The following BDKRB2 variants were observed in gnomAD, a reference collection of about 807,000 sequenced individuals.
BDKRB2 encodes the protein bradykinin receptor B2, also known as B2 bradykinin receptor.
BDKRB2 carries 6 observed loss-of-function variants against 4.0 expected under a neutral mutation model. That is an observed-to-expected ratio of 1.49 (90% CI 0.81 to 2.93). BDKRB2 has a LOEUF of 2.93. BDKRB2 is among the 30% of genes most tolerant of loss of function. BDKRB2 has a pLI of 0.00. For synonymous variants in BDKRB2, 225 were observed against 215.3 expected, an observed-to-expected ratio of 1.05 and a Z score of -0.40; for missense variants, 478 against 520.1, an observed-to-expected ratio of 0.92 and a Z score of 0.79.
rs1202610941 is a variant in BDKRB2 at position 96,243,810 on chromosome 14, G to A, written c.*2306G>A. ...TAAAAACCATTTAGTATTAGTATTA[G>A]AATGAAGTCAAACTGTGCCACACAT... is the stretch of plus-strand genomic sequence containing the variant. On this transcript the variant is annotated 3_prime_UTR_variant, in exon 3 of 3. Transcript: ENST00000554311. The A allele has an allele frequency of 5.2e-6, 1 of 190,752 alleles. No homozygotes were observed. The highest frequency in any genetic ancestry group is 1.1e-5 in the Non-Finnish European group (1 of 94,918). The allele number at this position is 190,752 out of a possible 1,614,324, so 11.8% of individuals were successfully genotyped here.
chr14:96,219,594 G>A (rs1238378925), intron 1 of BDKRB2, among the ~76,000 whole-genome samples: 1 of 150,670 alleles, frequency 6.6e-6, no homozygotes, highest in African/African-American at 2.4e-5. Flanking sequence ...AAAAAAAAAA[G>A]AGACTAGAAC....
chr14:96,238,089 C>A (rs1890979789), intron 2 of BDKRB2: 2 of 1,059,700 alleles, frequency 1.9e-6, no homozygotes, highest in African/African-American at 1.7e-5. Flanking sequence ...TTTCATGGGT[C>A]AAGAATTCAG....
chr14:96,237,768 G>T (rs965135021), intron 2 of BDKRB2: 19 of 1,289,794 alleles, frequency 1.5e-5, no homozygotes, highest in Middle Eastern at 4.3e-4. Context: ...GGGCCACAGT[G>T]CACTGGACCT....
chr14:96,237,007 A>C, intron 1 of BDKRB2, 62 bp from the exon 2 acceptor site: 1 of 950,564 alleles, frequency 1.1e-6, no homozygotes, highest in Non-Finnish European at 1.7e-6. Flanking sequence ...CTGCTGGAGA[A>C]TGCGTGTATT....
intron 1 of BDKRB2, among the ~76,000 whole-genome samples, chr14:96,208,259 G>C (rs1890234051): frequency 1.3e-5 from 2 of 152,180 alleles, no homozygotes; most frequent in Admixed American, 1.3e-4. Context: ...CTCCAGGGTT[G>C]TTTTCTAGAA....
chr14:96,230,163 A>T (rs1042231603), intron 1 of BDKRB2, among the ~76,000 whole-genome samples: 1 of 152,108 alleles, frequency 6.6e-6, no homozygotes, highest in African/African-American at 2.4e-5. Flanking sequence ...AAAGGATTGG[A>T]ATAAAGGAAT....
At chr14:96,237,743 T>G (rs1167794275) in intron 2 of BDKRB2, 1 of 1,289,632 alleles carries the variant, frequency 7.8e-7, no homozygotes, top group African/African-American at 1.5e-5. Flanking sequence ...GATGAGCAGA[T>G]GGCCATCTCA....
intron 1 of BDKRB2, among the ~76,000 whole-genome samples, chr14:96,214,472 G>T (rs887031263): frequency 6.6e-6 from 1 of 152,176 alleles, no homozygotes; most frequent in Non-Finnish European, 1.5e-5. Context: ...TCCCACAAGC[G>T]GGGACCTGGG....
At chr14:96,213,209 G>A (rs1333279282) in intron 1 of BDKRB2, among the ~76,000 whole-genome samples, 2 of 152,204 alleles carry the variant, frequency 1.3e-5, no homozygotes, top group Admixed American at 1.3e-4. Flanking sequence ...CCTAGACTCA[G>A]GAAGCTGGTT....
In BDKRB2 at chr14:96,230,058, C is replaced by T. The variant is rs189165463; in HGVS notation, c.-39-7011C>T. Among the ~76,000 whole-genome samples, 459 of 151,638 alleles carry T rather than the reference C, an allele frequency of 3.0e-3. 17 individuals are homozygous for T. In the South Asian group the frequency reaches 0.044, roughly 15 times the overall value. On this transcript the variant is annotated intron_variant, in intron 1 of 2. Coordinates refer to ENST00000554311, the MANE Select transcript of BDKRB2 (RefSeq NM_001379692.1). ...CTGAGGCAGGAGAATGGCGTGAACC[C>T]GGGAGGCAGAGCTTGCAGTGAGCCG...
intron 1 of BDKRB2, among the ~76,000 whole-genome samples, chr14:96,210,092 T>C (rs1375324034): frequency 6.6e-6 from 1 of 152,156 alleles, no homozygotes; most frequent in Admixed American, 6.5e-5. Context: ...AGGGATGACT[T>C]TGGGTTCTAT....
intron 1 of BDKRB2, among the ~76,000 whole-genome samples, chr14:96,218,237 T>G (rs1263620841): frequency 6.6e-6 from 1 of 152,176 alleles, no homozygotes; most frequent in Non-Finnish European, 1.5e-5. Flanking sequence ...CTCAGAGGTT[T>G]AGTTTCCTTA....
At chr14:96,222,716 AC>A (rs1348593103) in intron 1 of BDKRB2, among the ~76,000 whole-genome samples, 27 of 150,882 alleles carry the variant, frequency 1.8e-4, no homozygotes, top group Admixed American at 6.6e-5. Context: ...GCTGCTTCAA[AC>A]TGGTATGCTA....
Position 96,238,436 on chromosome 14 carries a change from A to T in BDKRB2, c.74+1255A>T, listed in dbSNP as rs1049347260. 6.1e-6 allele frequency: 6 copies of T among 981,522 alleles called. No individual in the cohort carries two copies. In the African/African-American group the frequency reaches 1.0e-4, roughly 17 times the overall value. 60.8% of individuals were successfully genotyped at this position (981,522 alleles called of 1,614,324 possible). A position where few individuals can be genotyped will look rare whatever the true frequency, so the allele number is the denominator to read the frequency against. On this transcript the variant is annotated intron_variant, in intron 2 of 2. Coordinates refer to ENST00000554311, the MANE Select transcript of BDKRB2 (RefSeq NM_001379692.1). ...GATTCCTCCTTTTGAAATGAAGAAT[A>T]TCAAGTAATTCGGGGGGCATATGAA... is the stretch of plus-strand genomic sequence containing the variant.
rs74458363 is a variant in BDKRB2, at chr14:96,244,154, A to C, written c.*2650A>C. The stretch of plus-strand genomic sequence containing the variant: ...TTCTGTAGAGCATAATAAATGGATG[A>C]GGTTTTTGCATAGCTCTAGCATTTG... On this transcript the variant is annotated 3_prime_UTR_variant, in exon 3 of 3. Coordinates refer to ENST00000554311, the MANE Select transcript of BDKRB2 (RefSeq NM_001379692.1). 2,420 of 398,598 alleles carry C rather than the reference A, an allele frequency of 6.1e-3. 30 individuals carry two copies. Among genetic ancestry groups the C allele is most frequent in the African/African-American group, 0.032 (1,541 of 48,730 alleles). 24.7% of individuals were successfully genotyped at this position (398,598 alleles called of 1,614,324 possible). A position where few individuals can be genotyped will look rare whatever the true frequency, so the allele number is the denominator to read the frequency against.
intron 1 of BDKRB2, chr14:96,233,903 C>G (rs532920030): frequency 1.3e-5 from 2 of 152,316 alleles, no homozygotes; most frequent in East Asian, 3.9e-4. Context: ...TGGATGTTCC[C>G]TCTAAGGCAT....
At chr14:96,234,168 A>G (rs1247234578) in intron 1 of BDKRB2, 5 of 152,200 alleles carry the variant, frequency 3.3e-5, no homozygotes, top group Non-Finnish European at 7.3e-5. Context: ...GGGTAATAGG[A>G]AGAGGATGTT....
intron 1 of BDKRB2, among the ~76,000 whole-genome samples, chr14:96,206,141 T>A (rs1890174698): frequency 6.6e-6 from 1 of 152,238 alleles, no homozygotes; most frequent in African/African-American, 2.4e-5. Context: ...CTTCGGGCCC[T>A]GGCAGCAGCA....
At chr14:96,207,130 G>T (rs1251842604) in intron 1 of BDKRB2, among the ~76,000 whole-genome samples, 1 of 152,142 alleles carries the variant, frequency 6.6e-6, no homozygotes, top group Non-Finnish European at 1.5e-5. Context: ...CAGGCATTTG[G>T]ATCATAGCAC....
Sources: gnomAD v4.1 joint callset for allele counts (sites outside exome capture counted in the v4.1 genomes callset) on GRCh38, gnomAD v4.1.1 for gene constraint, MANE v1.5 for transcripts, NCBI Gene and HGNC (gene_info 2026-07-23, HGNC 2026-07-21) for gene names.